The following TIGIT variants were observed in gnomAD, a reference collection of about 807,000 sequenced individuals.
The protein encoded by TIGIT is T-cell immunoreceptor with Ig and ITIM domains.
TIGIT carries 11 observed loss-of-function variants against 19.6 expected under a neutral mutation model. The ratio of observed to expected loss-of-function variants is 0.56; its 90% CI spans 0.35 to 0.93. The LOEUF (loss-of-function observed/expected upper bound fraction) is 0.93, where lower values mean the gene tolerates loss of function less well. Ranked by LOEUF, TIGIT falls within the 40% of genes least tolerant of loss-of-function variation. The pLI, the probability that TIGIT is intolerant of heterozygous loss-of-function variation, is 0.01. For synonymous variants in TIGIT, 130 were observed against 125.5 expected (o/e 1.04, Z -0.24); for missense variants, 295 against 303.9 (o/e 0.97, Z 0.22).
At chr3:114,300,386 A>G (rs2078484770) in intron 3 of TIGIT, among the ~76,000 whole-genome samples, 1 of 152,034 alleles carries the variant, frequency 6.6e-6, no homozygotes, top group Admixed American at 6.6e-5. Flanking sequence ...AAAAAAAAAA[A>G]ATTGGTGGTA....
At position 114,308,204 on chromosome 3, in the gene TIGIT, C is replaced by A; in HGVS notation, c.*73C>A. 3 of 1,216,780 alleles carry A rather than the reference C, an allele frequency of 2.5e-6. No individual in the cohort carries two copies. The highest frequency in any genetic ancestry group is 1.3e-5 in the South Asian group (1 of 75,048). 75.4% of individuals were successfully genotyped at this position (1,216,780 alleles called of 1,614,324 possible). A position where few individuals can be genotyped will look rare whatever the true frequency, so the allele number is the denominator to read the frequency against. On this transcript the variant is annotated 3_prime_UTR_variant, in exon 4 of 4. Coordinates refer to ENST00000383671, the MANE Select transcript of TIGIT (RefSeq NM_173799.4). ...AGATGAATATATAAGCAGCTGTACT[C>A]TCCATCAGTGCTGCGTGTGTGTGTG...
At chr3:114,296,885 T>C (rs199821114) in intron 2 of TIGIT, among the ~76,000 whole-genome samples, 4,362 of 129,850 alleles carry the variant, frequency 0.034, 108 homozygotes, top group South Asian at 0.095. Context: ...TTTCAAATGT[T>C]ACTTCTTTTT....
At chr3:114,297,930 G>A (rs2078466043) in intron 2 of TIGIT, among the ~76,000 whole-genome samples, 1 of 152,184 alleles carries the variant, frequency 6.6e-6, no homozygotes, top group Non-Finnish European at 1.5e-5. Context: ...TTCCCAAGTG[G>A]TCAGTTGCTT....
chr3:114,299,509 C>A, intron 2 of TIGIT, 88 bp from the exon 3 acceptor site: 1 of 996,714 alleles, frequency 1.0e-6, no homozygotes, highest in South Asian at 1.3e-5. Flanking sequence ...CCAATCCTCC[C>A]CTCTCTGCCG....
chr3:114,307,966 C>T lies in TIGIT; in HGVS notation c.570C>T (p.Ser190=). 6.2e-7 allele frequency: 1 copy of T among 1,614,092 alleles called. No individual in the cohort carries two copies. The highest frequency in any genetic ancestry group is 8.5e-7 in the Non-Finnish European group (1 of 1,180,026). Residue 190 remains serine, a synonymous_variant, in exon 4 of 4, where the codon AGC becomes AGT. Coordinates refer to ENST00000383671, the MANE Select transcript of TIGIT (RefSeq NM_173799.4). ...RRKSAGQEEW[S]PSAPSPPGSC... is the part of the protein sequence containing the mutation. The stretch of plus-strand genomic sequence containing the variant: ...AATCAGCTGGACAGGAGGAATGGAG[C>T]CCCAGTGCTCCCTCACCCCCAGGAA...
intron 1 of TIGIT, chr3:114,295,033 G>C (rs1418897782): frequency 6.3e-6 from 1 of 157,576 alleles, no homozygotes; most frequent in Non-Finnish European, 1.4e-5. Flanking sequence ...CAGAATATGC[G>C]AGGGGGCAAC....
At chr3:114,299,496 T>G (rs2078475573) in intron 2 of TIGIT, 101 bp from the exon 3 acceptor site, 1 of 833,652 alleles carries the variant, frequency 1.2e-6, no homozygotes, top group Non-Finnish European at 2.0e-6. Context: ...ACAAAGGGCT[T>G]GGCCAATCCT....
chr3:114,296,734 G>A (rs1209633551), intron 2 of TIGIT, among the ~76,000 whole-genome samples: 2 of 152,154 alleles, frequency 1.3e-5, no homozygotes, highest in African/African-American at 2.4e-5. Context: ...TGGTAGAGCT[G>A]ATTTTAACAC....
intron 1 of TIGIT, chr3:114,295,011 G>A (rs1011793283): frequency 6.4e-6 from 1 of 156,002 alleles, no homozygotes; most frequent in Admixed American, 6.1e-5. Flanking sequence ...AGCTGGCCAT[G>A]AAGCTACATA....
In TIGIT at chr3:114,310,203, G is replaced by T. The variant is rs1015848870; in HGVS notation, c.*2072G>T. ...TCTGGAGATTTAATATGAATAATAA[G>T]AATACTATTTCAGTAGTTTTGGTAT... On this transcript the variant is annotated 3_prime_UTR_variant, in exon 4 of 4. Coordinates refer to ENST00000383671, the MANE Select transcript of TIGIT (RefSeq NM_173799.4). The T allele has an allele frequency of 1.7e-4, 26 of 152,130 alleles. No homozygotes were observed. Among genetic ancestry groups the T allele is most frequent in the African/African-American group, 5.6e-4 (23 of 41,424 alleles). The allele number at this position is 152,130 out of a possible 1,614,324, so 9.4% of individuals were successfully genotyped here. A position where few individuals can be genotyped will look rare whatever the true frequency, so the allele number is the denominator to read the frequency against.
chr3:114,295,508 G>T, intron 1 of TIGIT, 37 bp from the exon 2 acceptor site: 2 of 1,558,396 alleles, frequency 1.3e-6, no homozygotes, highest in South Asian at 2.4e-5. Flanking sequence ...GCCAGCTGCT[G>T]ACCCAGGACT....
chr3:114,304,246 T>C (rs966052000), intron 3 of TIGIT, among the ~76,000 whole-genome samples: 4 of 152,216 alleles, frequency 2.6e-5, no homozygotes, highest in African/African-American at 7.2e-5. Context: ...AAGATATTAC[T>C]TTTTAAAACT....
intron 1 of TIGIT, 88 bp downstream of exon 1, chr3:114,294,210 C>G: frequency 1.0e-6 from 1 of 1,000,692 alleles, no homozygotes; most frequent in Non-Finnish European, 1.5e-6. Context: ...GGGAAGACTC[C>G]AAGAGCATGC....
rs371985821 is a variant in TIGIT at position 114,302,918 on chromosome 3, A to G, written c.498+3215A>G. Among the ~76,000 whole-genome samples the G allele has an allele frequency of 3.7e-4, 57 of 152,314 alleles. 1 individual carries two copies. In the South Asian group the frequency reaches 0.011, roughly 28 times the overall value. ...GCAAAATTTCTCTGTAAAGAGGCAG[A>G]TAGTATATCTTTTTGGGTTTGTAGG... On this transcript the variant is annotated intron_variant, in intron 3 of 3. Coordinates refer to ENST00000383671, the MANE Select transcript of TIGIT (RefSeq NM_173799.4).
Position 114,296,890 on chromosome 3 carries a change from CTTTTTTTTTTTT to C in TIGIT, c.391+1026_391+1037del, listed in dbSNP as rs11289140. On this transcript the variant is annotated intron_variant, in intron 2 of 3. Transcript: ENST00000383671. ...TAAAGTTTCCTTTCAAATGTTACTT[CTTTTTTTTTTTT>C]TTTTTTTTTGAGACGGAGTTTCGCT... Among the ~76,000 whole-genome samples, 7 of 112,870 alleles carry C rather than the reference CTTTTTTTTTTTT, an allele frequency of 6.2e-5. No homozygotes were observed. The South Asian group carries it at 1.1e-3, about 18-fold the overall frequency. The allele number at this position is 112,870 out of a possible 152,430, so 74.0% of individuals were successfully genotyped here.
At chr3:114,304,461 T>A (rs1485213552) in intron 3 of TIGIT, among the ~76,000 whole-genome samples, 1 of 152,186 alleles carries the variant, frequency 6.6e-6, no homozygotes, top group Non-Finnish European at 1.5e-5. Flanking sequence ...TATATCAGAA[T>A]CATCTCCTGG....
chr3:114,295,636 G>A lies in TIGIT; in HGVS notation c.153G>A (p.Thr51=), dbSNP rs779910384. The change falls in exon 2 of 4, where the codon ACG becomes ACA. Residue 51 remains threonine, a synonymous_variant. Transcript: ENST00000383671. ...TACAATGTCACCTCTCCTCCACCACGGCACAAGTGACCCAGGTCAACTGGG... is the reference window on the plus strand; with the variant it reads ...TACAATGTCACCTCTCCTCCACCACAGCACAAGTGACCCAGGTCAACTGGG... ...IILQCHLSST[T]AQVTQVNWEQ... is the part of the protein sequence containing the mutation. 2.7e-5 allele frequency: 43 copies of A among 1,614,034 alleles called. No individual in the cohort carries two copies. The East Asian group carries it at 5.6e-4, about 21-fold the overall frequency.
intron 2 of TIGIT, among the ~76,000 whole-genome samples, chr3:114,297,322 T>C (rs1049623068): frequency 4.6e-5 from 7 of 152,156 alleles, no homozygotes; most frequent in African/African-American, 7.2e-5. Context: ...ATGTGGCAAA[T>C]AATTTCATGA....
rs13076738 is a variant in TIGIT, at chr3:114,309,544, C to A, written c.*1413C>A. 0.27 allele frequency: 41,670 copies of A among 152,090 alleles called. 6,604 individuals carry two copies. The highest frequency in any genetic ancestry group is 0.38 in the Middle Eastern group (112 of 292). The allele number at this position is 152,090 out of a possible 1,614,324, so 9.4% of individuals were successfully genotyped here. ...CAATTGTTTTAGCAACAAGACAATT[C>A]AACTATTTCTCCTAGGATTTTTATT... On this transcript the variant is annotated 3_prime_UTR_variant, in exon 4 of 4. Transcript: ENST00000383671.
Sources: gnomAD v4.1 joint callset for allele counts (sites outside exome capture counted in the v4.1 genomes callset) on GRCh38, gnomAD v4.1.1 for gene constraint, MANE v1.5 for transcripts, NCBI Gene and HGNC (gene_info 2026-07-23, HGNC 2026-07-21) for gene names.